The following RGMB variants were observed in gnomAD, a reference collection of about 807,000 sequenced individuals.
The protein encoded by RGMB is repulsive guidance molecule BMP co-receptor b.
Under a neutral mutation model 26.9 loss-of-function variants are expected in RGMB, and 16 were observed. The ratio of observed to expected loss-of-function variants is 0.60; its 90% CI spans 0.40 to 0.90. The LOEUF is 0.90. RGMB is among the 40% of genes least tolerant of loss of function. The probability of loss-of-function intolerance (pLI) is 0.00; values close to 1 mark genes in which losing one functional copy is unlikely to be tolerated. For missense variants in RGMB, 512 were observed against 573.3 expected (o/e 0.89, Z 1.09); for synonymous variants, 225 against 229.3 (o/e 0.98, Z 0.17).
intron 1 of RGMB, 145 bp downstream of exon 1, chr5:98,774,351 T>A: frequency 1.2e-6 from 1 of 865,892 alleles, no homozygotes; most frequent in Non-Finnish European, 1.6e-6. Context: ...CACGCACCTC[T>A]GTCGGGCTCC....
chr5:98,781,923 A>T (rs1746620534), intron 2 of RGMB, among the ~76,000 whole-genome samples: 1 of 152,216 alleles, frequency 6.6e-6, no homozygotes, highest in Admixed American at 6.5e-5. Context: ...TGTAATTTTT[A>T]GCAAATAAAT....
chr5:98,784,608 A>G (rs1746714122), intron 2 of RGMB, among the ~76,000 whole-genome samples: 2 of 152,240 alleles, frequency 1.3e-5, no homozygotes, highest in Non-Finnish European at 1.5e-5. Context: ...AGAACCAGAC[A>G]TGCCTGCATT....
intron 2 of RGMB, among the ~76,000 whole-genome samples, chr5:98,791,650 T>C (rs1268258161): frequency 1.3e-5 from 2 of 152,192 alleles, no homozygotes; most frequent in East Asian, 3.9e-4. Context: ...ACTTTTTGTT[T>C]TTTCAAGAAG....
intron 2 of RGMB, among the ~76,000 whole-genome samples, chr5:98,785,474 C>T (rs967548506): frequency 6.6e-6 from 1 of 152,202 alleles, no homozygotes; most frequent in Non-Finnish European, 1.5e-5. Context: ...TAACACCCCT[C>T]CTTGCCAAAT....
chr5:98,772,472 T>C (rs960713336), upstream of RGMB: 1 of 152,186 alleles, frequency 6.6e-6, no homozygotes, highest in Non-Finnish European at 1.5e-5. Flanking sequence ...CTGAGTAACA[T>C]AGCGGGTACA....
rs983806938 is a variant in RGMB, at chr5:98,795,423, G to A, written c.*1670G>A. Reference sequence around the variant, plus strand: ...CCCATACCGGCAAGAGGAAGAGGACGTCATTTTGTAAAGTTTAACTTCTTA... The same window carrying A: ...CCCATACCGGCAAGAGGAAGAGGACATCATTTTGTAAAGTTTAACTTCTTA... On this transcript the variant is annotated 3_prime_UTR_variant, in exon 3 of 3. Transcript: ENST00000513185. 1.3e-5 allele frequency: 2 copies of A among 152,214 alleles called. No homozygotes were observed. Among genetic ancestry groups the A allele is most frequent in the African/African-American group, 2.4e-5 (1 of 41,450 alleles). 9.4% of individuals were successfully genotyped at this position (152,214 alleles called of 1,614,324 possible). A position where few individuals can be genotyped will look rare whatever the true frequency, so the allele number is the denominator to read the frequency against.
At chr5:98,770,960 TG>T (rs934306628), upstream of RGMB, 18 of 355,404 alleles carry the variant, frequency 5.1e-5, no homozygotes, top group Admixed American at 4.7e-4. Context: ...TTAGGTGATC[TG>T]TTAAGCAGTC....
chr5:98,774,331 G>A, intron 1 of RGMB, 125 bp downstream of exon 1: 1 of 1,016,172 alleles, frequency 9.8e-7, no homozygotes, highest in Non-Finnish European at 1.3e-6. Context: ...AAGGCCTCCC[G>A]AGCCCCTGAC....
chr5:98,774,545 G>A (rs1746328299), intron 1 of RGMB, among the ~76,000 whole-genome samples: 1 of 152,206 alleles, frequency 6.6e-6, no homozygotes, highest in African/African-American at 2.4e-5. Flanking sequence ...ATTGCTCTCT[G>A]CGCTGGTGTT....
In RGMB at chr5:98,795,409, A is replaced by G. The variant is rs1747086279; in HGVS notation, c.*1656A>G. 1 of 152,230 alleles carries G rather than the reference A, an allele frequency of 6.6e-6. No homozygotes were observed. The highest frequency in any genetic ancestry group is 6.5e-5 in the Admixed American group (1 of 15,280). The allele number at this position is 152,230 out of a possible 1,614,324, so 9.4% of individuals were successfully genotyped here. A position where few individuals can be genotyped will look rare whatever the true frequency, so the allele number is the denominator to read the frequency against. ...GACACTGCCAGAGGCCCATACCGGC[A>G]AGAGGAAGAGGACGTCATTTTGTAA... On this transcript the variant is annotated 3_prime_UTR_variant, in exon 3 of 3. Coordinates refer to ENST00000513185, the MANE Select transcript of RGMB (RefSeq NM_001366508.1).
chr5:98,772,449 C>G (rs1746197875), upstream of RGMB, among the ~76,000 whole-genome samples: 1 of 152,190 alleles, frequency 6.6e-6, no homozygotes, highest in South Asian at 2.1e-4. Flanking sequence ...TAAGAAATTC[C>G]TAATTAGAGA....
At chr5:98,771,299 T>C (rs1291471331), upstream of RGMB, 1 of 152,178 alleles carries the variant, frequency 6.6e-6, no homozygotes, top group East Asian at 1.9e-4. Context: ...AACATAAAAC[T>C]TTTATAAGTC....
upstream of RGMB, chr5:98,770,366 G>T (rs1290684762): frequency 5.2e-6 from 2 of 382,492 alleles, no homozygotes; most frequent in Non-Finnish European, 9.3e-6. Flanking sequence ...AGGCTGCACT[G>T]GTTTCCTGAG....
In RGMB at chr5:98,780,008, C is replaced by T; in HGVS notation, c.565C>T (p.Leu189Phe). The change falls in exon 2 of 3, where the codon CTC becomes TTC. Residue 189 changes from leucine (L) to phenylalanine (F), a missense_variant. Coordinates refer to ENST00000513185, the MANE Select transcript of RGMB (RefSeq NM_001366508.1). Reference sequence around the variant, plus strand: ...ATGCAAAGTAGAAGGGGCCTGGCCACTCATAGATAATAATTATCTTTCAGT... The same window carrying T: ...ATGCAAAGTAGAAGGGGCCTGGCCATTCATAGATAATAATTATCTTTCAGT... ...QTCKVEGAWP[L>F]IDNNYLSVQV... 6.2e-7 allele frequency: 1 copy of T among 1,613,916 alleles called. No individual in the cohort carries two copies. The highest frequency in any genetic ancestry group is 1.1e-5 in the South Asian group (1 of 91,084).
chr5:98,793,005 G>A (rs1281631394), intron 2 of RGMB, 80 bp from the exon 3 acceptor site: 46 of 1,154,592 alleles, frequency 4.0e-5, no homozygotes, highest in East Asian at 5.1e-5. Context: ...TCAAAATGGC[G>A]GGGAGCTCTT....
chr5:98,782,920 C>T (rs1259006800), intron 2 of RGMB, among the ~76,000 whole-genome samples: 1 of 152,130 alleles, frequency 6.6e-6, no homozygotes, highest in Non-Finnish European at 1.5e-5. Flanking sequence ...ATGAAGTCAC[C>T]CGGGGCCATA....
chr5:98,770,446 G>A (rs530812814), upstream of RGMB: 3 of 416,424 alleles, frequency 7.2e-6, no homozygotes, highest in East Asian at 1.1e-4. Flanking sequence ...TGCACCTGCC[G>A]TTTTGAGCGG....
At chr5:98,784,664 T>G (rs1043022028) in intron 2 of RGMB, among the ~76,000 whole-genome samples, 1 of 152,252 alleles carries the variant, frequency 6.6e-6, no homozygotes, top group East Asian at 1.9e-4. Context: ...TGCATAAGGT[T>G]TGGAAATCTG....
chr5:98,780,946 G>A (rs1456341770), intron 2 of RGMB: 6 of 150,886 alleles, frequency 4.0e-5, no homozygotes, highest in Admixed American at 3.3e-4. Context: ...ATAGTGTCCC[G>A]ACTAACCACC....
Sources: allele counts gnomAD v4.1 joint callset (sites outside exome capture counted in the v4.1 genomes callset), GRCh38; gene constraint gnomAD v4.1.1; transcripts MANE v1.5; gene names NCBI Gene and HGNC (gene_info 2026-07-23, HGNC 2026-07-21).